The following PARN variants were observed in gnomAD, a reference collection of about 807,000 sequenced individuals.
PARN encodes the protein poly(A)-specific ribonuclease PARN.
PARN carries 71 observed loss-of-function variants against 102.8 expected under a neutral mutation model. The ratio of observed to expected loss-of-function variants is 0.69; its 90% CI spans 0.57 to 0.84. PARN has a LOEUF of 0.84. Among genes scored for constraint, PARN ranks in the 40% least tolerant of loss-of-function variants. The pLI is 0.00. For missense variants in PARN, 782 were observed against 760.9 expected (o/e 1.03, Z -0.33); for synonymous variants, 261 against 252.9 (o/e 1.03, Z -0.30).
intron 5 of PARN, among the ~76,000 whole-genome samples, chr16:14,620,228 T>A (rs892729293): frequency 6.6e-6 from 1 of 151,106 alleles, no homozygotes; most frequent in Non-Finnish European, 1.5e-5. Flanking sequence ...ATACAAAAAA[T>A]TAGCCAGGCG....
intron 21 of PARN, among the ~76,000 whole-genome samples, chr16:14,542,296 A>G (rs1596621240): frequency 6.8e-6 from 1 of 147,826 alleles, no homozygotes; most frequent in Non-Finnish European, 1.5e-5. Context: ...ATGAGCCAAC[A>G]CACCTGGGCT....
Position 14,554,167 on chromosome 16 carries a change from A to T in PARN, c.1319-16T>A, listed in dbSNP as rs779187739. On this transcript the variant is annotated splice_polypyrimidine_tract_variant and intron_variant, in intron 19 of 23. Coordinates refer to ENST00000437198, the MANE Select transcript of PARN (RefSeq NM_002582.4). ...TTAGGCTGCACTACAAGACAAATTT[A>T]TGATGAAATATTGATGGGTGAAAAG... is the stretch of plus-strand genomic sequence containing the variant. 9 of 1,542,916 alleles carry T rather than the reference A, an allele frequency of 5.8e-6. No homozygotes were observed. Among genetic ancestry groups the T allele is most frequent in the Non-Finnish European group, 8.0e-6 (9 of 1,119,552 alleles).
intron 18 of PARN, among the ~76,000 whole-genome samples, chr16:14,556,420 A>G (rs897768244): frequency 2.0e-5 from 3 of 152,140 alleles, no homozygotes; most frequent in African/African-American, 7.2e-5. Context: ...TCAGCCTCCC[A>G]AAGTGTTGCA....
At chr16:14,481,342 A>C (rs1008481522) in intron 22 of PARN, among the ~76,000 whole-genome samples, 4 of 152,244 alleles carry the variant, frequency 2.6e-5, no homozygotes, top group Non-Finnish European at 5.9e-5. Context: ...AATTTTAAAA[A>C]TATATTAAGC....
At chr16:14,460,785 TAAG>T (rs879267298) in intron 22 of PARN, among the ~76,000 whole-genome samples, 5 of 152,186 alleles carry the variant, frequency 3.3e-5, no homozygotes, top group Non-Finnish European at 7.3e-5. Flanking sequence ...AAATAACAAA[TAAG>T]AGACAAATCT....
chr16:14,626,596 T>C lies in PARN; in HGVS notation c.327+510A>G, dbSNP rs79343190. Reference sequence around the variant, plus strand: ...TCATATCTGTCTGTCTGTCTCTGCATCTTATTCCTTAATTCATTCTTTTTT... The same window carrying C: ...TCATATCTGTCTGTCTGTCTCTGCACCTTATTCCTTAATTCATTCTTTTTT... On this transcript the variant is annotated intron_variant, in intron 5 of 23. Transcript: ENST00000437198. 7.2e-3 allele frequency among the ~76,000 whole-genome samples: 1,093 copies of C among 152,140 alleles called. 35 individuals are homozygous for C. The East Asian group carries it at 0.08, about 11-fold the overall frequency.
chr16:14,477,838 A>G (rs897412302), intron 22 of PARN, among the ~76,000 whole-genome samples: 1 of 151,944 alleles, frequency 6.6e-6, no homozygotes, highest in African/African-American at 2.4e-5. Context: ...AAGGAAGGGA[A>G]GGGAAGGGAA....
At chr16:14,512,375 C>T (rs552806315) in intron 21 of PARN, among the ~76,000 whole-genome samples, 5 of 152,186 alleles carry the variant, frequency 3.3e-5, no homozygotes, top group East Asian at 1.9e-4. Context: ...TGGTGGTGCA[C>T]GCCTGTAGTC....
At chr16:14,591,298 G>A (rs545040246) in intron 13 of PARN, among the ~76,000 whole-genome samples, 7 of 152,056 alleles carry the variant, frequency 4.6e-5, no homozygotes, top group East Asian at 3.9e-4. Context: ...GGCTGAGGCC[G>A]GGGAAACACT....
intron 21 of PARN, among the ~76,000 whole-genome samples, chr16:14,529,918 C>T (rs1313477654): frequency 6.6e-6 from 1 of 152,110 alleles, no homozygotes; most frequent in East Asian, 1.9e-4. Context: ...ATCCAGACCA[C>T]GAGACCCCAT....
intron 21 of PARN, among the ~76,000 whole-genome samples, chr16:14,544,749 G>A (rs899423440): frequency 2.6e-5 from 4 of 152,024 alleles, no homozygotes; most frequent in Admixed American, 6.6e-5. Context: ...TCATAAATAC[G>A]TATGCCCCTA....
chr16:14,520,699 CAA>C (rs35295923), intron 21 of PARN, among the ~76,000 whole-genome samples: 2 of 139,224 alleles, frequency 1.4e-5, no homozygotes, highest in Non-Finnish European at 3.1e-5. Flanking sequence ...AACCCTGTCT[CAA>C]AAAAAAAAAA....
rs560170917 is a variant in PARN at position 14,441,553 on chromosome 16, G to T, written c.1865-4781C>A. ...AGTTTCTAACTAGGAAACGCTGAAG[G>T]GGGTACGCCCTGGGGCCGGTTTCCC... On this transcript the variant is annotated intron_variant, in intron 23 of 23. Coordinates refer to ENST00000437198, the MANE Select transcript of PARN (RefSeq NM_002582.4). Among the ~76,000 whole-genome samples, 3 of 152,310 alleles carry T rather than the reference G, an allele frequency of 2.0e-5. No individual in the cohort carries two copies. In the South Asian group the frequency reaches 6.2e-4, roughly 32 times the overall value.
chr16:14,622,844 T>C (rs1027702840), intron 5 of PARN, among the ~76,000 whole-genome samples: 73 of 152,124 alleles, frequency 4.8e-4, no homozygotes, highest in Non-Finnish European at 1.5e-4. Flanking sequence ...TGGTACGTGC[T>C]TGTAATCCCA....
intron 6 of PARN, among the ~76,000 whole-genome samples, chr16:14,614,908 G>A (rs551215854): frequency 2.5e-4 from 37 of 147,748 alleles, no homozygotes; most frequent in African/African-American, 8.5e-4. Context: ...GGTGTCTGAA[G>A]GTGGTGTGGG....
intron 21 of PARN, among the ~76,000 whole-genome samples, chr16:14,514,467 T>A (rs904037387): frequency 4.6e-5 from 7 of 152,196 alleles, no homozygotes; most frequent in Non-Finnish European, 2.9e-5. Context: ...ATTACAGGCA[T>A]GAGCCACCAC....
At chr16:14,603,838 G>C (rs1363980968) in intron 11 of PARN, among the ~76,000 whole-genome samples, 1 of 152,214 alleles carries the variant, frequency 6.6e-6, no homozygotes, top group Admixed American at 6.5e-5. Flanking sequence ...CATGAAGTTA[G>C]ACGTTGCAGT....
At chr16:14,524,590 AT>A (rs770859312) in intron 21 of PARN, among the ~76,000 whole-genome samples, 3 of 152,232 alleles carry the variant, frequency 2.0e-5, no homozygotes, top group East Asian at 3.8e-4. Context: ...CCTACTGATA[AT>A]TTAAAGGAAA....
At chr16:14,563,592 A>G (rs1186799701) in intron 18 of PARN, among the ~76,000 whole-genome samples, 1 of 151,726 alleles carries the variant, frequency 6.6e-6, no homozygotes, top group African/African-American at 2.4e-5. Flanking sequence ...TTTTAAATTG[A>G]GACAGGGTCT....
Sources: gnomAD v4.1 joint callset for allele counts (sites outside exome capture counted in the v4.1 genomes callset) on GRCh38, gnomAD v4.1.1 for gene constraint, MANE v1.5 for transcripts, NCBI Gene and HGNC (gene_info 2026-07-23, HGNC 2026-07-21) for gene names.